Variants in ANKRD17 observed in about 807,000 individuals in gnomAD.
The protein encoded by ANKRD17 is ankyrin repeat domain-containing protein 17.
A neutral mutation model predicts 229.7 loss-of-function variants in ANKRD17; 19 were observed. The observed-to-expected ratio is 0.08, with a 90% CI of 0.06 to 0.12. The LOEUF (loss-of-function observed/expected upper bound fraction) is 0.12, where lower values mean the gene tolerates loss of function less well. Ranked by LOEUF, ANKRD17 falls within the 10% of genes least tolerant of loss-of-function variation. The pLI is 1.00. For missense variants in ANKRD17, 2,176 were observed against 3,176.8 expected, an observed-to-expected ratio of 0.68 and a Z score of 7.57; for synonymous variants, 1,112 against 1,146.1, an observed-to-expected ratio of 0.97 and a Z score of 0.60.
intron 25 of ANKRD17, among the ~76,000 whole-genome samples, chr4:73,101,742 G>GA (rs952471020): frequency 6.6e-5 from 10 of 150,566 alleles, no homozygotes; most frequent in Admixed American, 5.3e-4. Flanking sequence ...AGATGGCTCA[G>GA]AAAAAAATAT....
chr4:73,216,421 A>T (rs1282385310), intron 1 of ANKRD17, among the ~76,000 whole-genome samples: 1 of 152,190 alleles, frequency 6.6e-6, no homozygotes, highest in African/African-American at 2.4e-5. Context: ...GAGACCTAAG[A>T]CCAAAAGAAT....
intron 1 of ANKRD17, among the ~76,000 whole-genome samples, chr4:73,226,539 G>A (rs954299963): frequency 6.6e-6 from 1 of 151,044 alleles, no homozygotes; most frequent in East Asian, 2.0e-4. Context: ...GATTACAGGC[G>A]CCTGCCACCA....
intron 18 of ANKRD17, 91 bp downstream of exon 18, chr4:73,124,822 A>C: frequency 7.0e-7 from 1 of 1,438,252 alleles, no homozygotes; most frequent in Non-Finnish European, 9.4e-7. Flanking sequence ...TAAACGTCAA[A>C]GCATTGTTCT....
intron 16 of ANKRD17, among the ~76,000 whole-genome samples, chr4:73,129,882 C>T (rs1727966849): frequency 6.6e-6 from 1 of 151,598 alleles, no homozygotes; most frequent in South Asian, 2.1e-4. Context: ...CCTGCCTCAG[C>T]CTCCCGAGTA....
chr4:73,154,978 T>C (rs1053940127), intron 5 of ANKRD17, among the ~76,000 whole-genome samples: 2 of 151,038 alleles, frequency 1.3e-5, no homozygotes, highest in Non-Finnish European at 3.0e-5. Flanking sequence ...GAGGCGGAGC[T>C]TGCAGTGAGC....
chr4:73,240,654 A>C (rs1743938319), intron 1 of ANKRD17, among the ~76,000 whole-genome samples: 1 of 152,070 alleles, frequency 6.6e-6, no homozygotes, highest in South Asian at 2.1e-4. Context: ...AAAAACACAT[A>C]ACTGACTTGA....
At chr4:73,209,694 A>C (rs552079523) in intron 1 of ANKRD17, among the ~76,000 whole-genome samples, 8 of 152,332 alleles carry the variant, frequency 5.3e-5, no homozygotes, top group African/African-American at 1.7e-4. Context: ...TAAAATCCTT[A>C]ACAAGATATT....
At chr4:73,127,464 C>T (rs1377167735) in intron 16 of ANKRD17, among the ~76,000 whole-genome samples, 1 of 152,044 alleles carries the variant, frequency 6.6e-6, no homozygotes, top group Non-Finnish European at 1.5e-5. Flanking sequence ...ATTACAATCT[C>T]ATCATATTTT....
intron 1 of ANKRD17, among the ~76,000 whole-genome samples, chr4:73,252,799 T>G (rs1189592215): frequency 6.6e-6 from 1 of 152,184 alleles, no homozygotes; most frequent in Non-Finnish European, 1.5e-5. Flanking sequence ...GTTTTCATCT[T>G]GTTAACAACT....
At position 73,086,216 on chromosome 4, in the gene ANKRD17, A is replaced by T. The variant is rs140423169; in HGVS notation, c.6962-770T>A. Among the ~76,000 whole-genome samples the T allele has an allele frequency of 8.6e-3, 1,310 of 152,288 alleles. 27 individuals are homozygous for T. The highest frequency in any genetic ancestry group is 0.03 in the African/African-American group (1,242 of 41,548). ...GTTGCCTTTATTGATCATAAAATTA[A>T]TGCAAACTTATTTAAAAAATCCAAA... On this transcript the variant is annotated intron_variant, in intron 29 of 33. Transcript: ENST00000358602.
intron 3 of ANKRD17, among the ~76,000 whole-genome samples, chr4:73,157,812 G>A (rs976232069): frequency 7.2e-5 from 11 of 152,072 alleles, no homozygotes; most frequent in Admixed American, 2.6e-4. Context: ...CACGTCCGCC[G>A]GGCACAGTGG....
chr4:73,220,969 C>T (rs888858938), intron 1 of ANKRD17, among the ~76,000 whole-genome samples: 5 of 152,068 alleles, frequency 3.3e-5, no homozygotes, highest in African/African-American at 1.2e-4. Context: ...TATCTGTTTA[C>T]TTGCAATATG....
intron 30 of ANKRD17, among the ~76,000 whole-genome samples, chr4:73,082,256 G>A (rs1422089146): frequency 6.6e-6 from 1 of 151,830 alleles, no homozygotes; most frequent in Non-Finnish European, 1.5e-5. Flanking sequence ...GATCTCTGGA[G>A]ATCAGGAGTT....
intron 24 of ANKRD17, 50 bp from the exon 25 acceptor site, chr4:73,102,597 G>A: frequency 1.3e-6 from 2 of 1,564,672 alleles, no homozygotes; most frequent in African/African-American, 1.4e-5. Context: ...TTACCCTGGA[G>A]AAGAAGTTGT....
At chr4:73,116,380 T>C (rs1578097071) in intron 22 of ANKRD17, among the ~76,000 whole-genome samples, 1 of 152,280 alleles carries the variant, frequency 6.6e-6, no homozygotes, top group South Asian at 2.1e-4. Context: ...TGAAAGAATA[T>C]ATACTTTCAT....
At chr4:73,099,157 G>A (rs2148595852) in intron 25 of ANKRD17, 1 of 682,776 alleles carries the variant, frequency 1.5e-6, no homozygotes, top group Non-Finnish European at 2.7e-6. Flanking sequence ...CGTGTGTGCT[G>A]CCTGTGCCTC....
intron 30 of ANKRD17, among the ~76,000 whole-genome samples, chr4:73,080,250 T>C (rs1306835902): frequency 6.6e-6 from 1 of 152,086 alleles, no homozygotes; most frequent in Non-Finnish European, 1.5e-5. Flanking sequence ...AATAAGCCTA[T>C]TATATAAGAT....
At chr4:73,232,233 C>G (rs1013581112) in intron 1 of ANKRD17, among the ~76,000 whole-genome samples, 3 of 152,116 alleles carry the variant, frequency 2.0e-5, no homozygotes, top group African/African-American at 7.2e-5. Context: ...CTATTTCCAC[C>G]TTCCTTCTTC....
intron 25 of ANKRD17, 97 bp from the exon 26 acceptor site, chr4:73,098,617 C>A: frequency 8.9e-7 from 1 of 1,119,112 alleles, no homozygotes. Context: ...AGGAGAGATA[C>A]TCTACTACTA....
Sources: allele counts gnomAD v4.1 joint callset (sites outside exome capture counted in the v4.1 genomes callset), GRCh38; gene constraint gnomAD v4.1.1; transcripts MANE v1.5; gene names NCBI Gene and HGNC (gene_info 2026-07-23, HGNC 2026-07-21).